The following CACNA1C variants were observed in gnomAD, a reference collection of about 807,000 sequenced individuals.
CACNA1C encodes the protein calcium voltage-gated channel subunit alpha1 C, also known as voltage-dependent L-type calcium channel subunit alpha-1C.
In CACNA1C, 30 loss-of-function variants were observed where a neutral mutation model predicts 229.0. That is an observed-to-expected ratio of 0.13 (90% CI 0.10 to 0.18). The LOEUF is 0.18. Ranked by LOEUF, CACNA1C falls within the 10% of genes least tolerant of loss-of-function variation. CACNA1C has a pLI of 1.00. For synonymous variants in CACNA1C, 1,114 were observed against 1,132.5 expected, an observed-to-expected ratio of 0.98 and a Z score of 0.33; for missense variants, 1,658 against 2,845.0, an observed-to-expected ratio of 0.58 and a Z score of 9.49.
At chr12:2,200,202 G>A (rs1353314381) in intron 3 of CACNA1C, among the ~76,000 whole-genome samples, 2 of 152,172 alleles carry the variant, frequency 1.3e-5, no homozygotes, top group Non-Finnish European at 2.9e-5. Context: ...CACTGTATCA[G>A]TATATCCATT....
chr12:2,274,199 A>G (rs1307517328), intron 3 of CACNA1C, among the ~76,000 whole-genome samples: 1 of 152,204 alleles, frequency 6.6e-6, no homozygotes, highest in Non-Finnish European at 1.5e-5. Context: ...GACGTCCAGC[A>G]GTTCCCTCAG....
At position 2,504,599 on chromosome 12, in the gene CACNA1C, C is replaced by A; in HGVS notation, c.1114-243C>A. ...CAGCCGAGCAAGGTCTCAGGTTCCA[C>A]TCCGTACATGCCCGGGGTCCTCAGG... On this transcript the variant is annotated intron_variant, in intron 7 of 46. Transcript: ENST00000399655. The surrounding 1 kb of genome is among the most constrained non-coding windows in gnomAD (Gnocchi z 6.8). The A allele has an allele frequency of 9.8e-7, 1 of 1,019,752 alleles. No homozygotes were observed. Among genetic ancestry groups the A allele is most frequent in the African/African-American group, 1.6e-5 (1 of 63,498 alleles). 63.2% of individuals were successfully genotyped at this position (1,019,752 alleles called of 1,614,324 possible). A position where few individuals can be genotyped will look rare whatever the true frequency, so the allele number is the denominator to read the frequency against.
chr12:2,465,840 T>C (rs1272505358), intron 5 of CACNA1C, among the ~76,000 whole-genome samples: 1 of 152,052 alleles, frequency 6.6e-6, no homozygotes, highest in African/African-American at 2.4e-5. Flanking sequence ...GTCACCGCTC[T>C]CTCCCACCCT....
intron 3 of CACNA1C, among the ~76,000 whole-genome samples, chr12:2,198,094 G>A (rs1334099338): frequency 6.6e-6 from 1 of 152,182 alleles, no homozygotes; most frequent in East Asian, 1.9e-4. Context: ...GCGGGCCTTG[G>A]AATGAGGACA....
intron 7 of CACNA1C, among the ~76,000 whole-genome samples, chr12:2,494,524 G>A (rs372001623): frequency 6.6e-6 from 1 of 152,166 alleles, no homozygotes; most frequent in Non-Finnish European, 1.5e-5. Context: ...TTTGGCCATC[G>A]TGAAAACAAT....
At chr12:2,624,914 C>T (rs149846883) in intron 29 of CACNA1C, among the ~76,000 whole-genome samples, 118 of 152,348 alleles carry the variant, frequency 7.7e-4, no homozygotes, top group Non-Finnish European at 1.3e-3. Flanking sequence ...GGATGAAATG[C>T]GGCAACTCTT....
intron 38 of CACNA1C, among the ~76,000 whole-genome samples, chr12:2,673,131 T>C (rs183675372): frequency 6.6e-6 from 1 of 152,324 alleles, no homozygotes. Flanking sequence ...ACATCCCGTG[T>C]TGGTTTCCTA....
chr12:2,022,182 G>A (rs1264000583), intron 1 of CACNA1C, among the ~76,000 whole-genome samples: 1 of 152,144 alleles, frequency 6.6e-6, no homozygotes, highest in Non-Finnish European at 1.5e-5. Flanking sequence ...GTGAGCGTGG[G>A]TGTGTGTGCG....
chr12:2,444,514 G>A (rs754683724), intron 3 of CACNA1C, among the ~76,000 whole-genome samples: 1 of 151,988 alleles, frequency 6.6e-6, no homozygotes, highest in Non-Finnish European at 1.5e-5. Context: ...TTTCTCTTTA[G>A]TCTGCACACT....
chr12:2,567,134 C>T (rs913738813), intron 12 of CACNA1C, among the ~76,000 whole-genome samples: 5 of 152,242 alleles, frequency 3.3e-5, no homozygotes, highest in Non-Finnish European at 7.3e-5. Flanking sequence ...CTGGCCCCAT[C>T]CTCCACAGCT....
chr12:2,622,031 C>A (rs1568865513), intron 29 of CACNA1C, among the ~76,000 whole-genome samples: 1 of 151,934 alleles, frequency 6.6e-6, no homozygotes, highest in Non-Finnish European at 1.5e-5. Flanking sequence ...CACAAGGAAA[C>A]TGGGAGAGAA....
At chr12:2,253,836 C>T (rs748898618) in intron 3 of CACNA1C, among the ~76,000 whole-genome samples, 5 of 152,212 alleles carry the variant, frequency 3.3e-5, no homozygotes, top group Non-Finnish European at 7.3e-5. Flanking sequence ...TCATTGGGAG[C>T]ACTTAATAAC....
chr12:2,067,145 C>T lies in CACNA1C; in HGVS notation c.49+13534C>T, dbSNP rs1236082540. 6.6e-6 allele frequency among the ~76,000 whole-genome samples: 1 copy of T among 152,110 alleles called. No homozygotes were observed. Among genetic ancestry groups the T allele is most frequent in the Non-Finnish European group, 1.5e-5 (1 of 68,012 alleles). ...TGACTAGGTCTGGGGGCAAAGGGTT[C>T]TAGCTCTGTAGGAGGCGTGCCAAGC... On this transcript the variant is annotated intron_variant, in intron 1 of 46. Coordinates refer to ENST00000399655, the MANE Select transcript of CACNA1C (RefSeq NM_000719.7). The surrounding 1 kb of genome is among the most constrained non-coding windows in gnomAD (Gnocchi z 5.3).
In CACNA1C at chr12:2,608,484, C is replaced by A. The variant is rs181984259; in HGVS notation, c.3357-27C>A. ...GAGGGGACCCTGCTTCTCCAGTTCC[C>A]TCTGTGGGACCTGTCTCCTCCTGCA... On this transcript the variant is annotated intron_variant, in intron 26 of 46. Coordinates refer to ENST00000399655, the MANE Select transcript of CACNA1C (RefSeq NM_000719.7). This position sits in a 1 kb window ranked among gnomAD's most constrained non-coding sequence, Gnocchi z 4.2. 1,456 of 1,571,678 alleles carry A rather than the reference C, an allele frequency of 9.3e-4. 12 individuals are homozygous for A. The African/African-American group carries it at 0.017, about 18-fold the overall frequency.
intron 3 of CACNA1C, among the ~76,000 whole-genome samples, chr12:2,202,678 AG>A (rs1156504617): frequency 6.6e-6 from 1 of 152,178 alleles, no homozygotes; most frequent in East Asian, 1.9e-4. Context: ...AGAGGAGAAG[AG>A]GAAGGGGACT....
chr12:2,364,673 C>T (rs1361377842), intron 3 of CACNA1C, among the ~76,000 whole-genome samples: 2 of 152,112 alleles, frequency 1.3e-5, no homozygotes, highest in Non-Finnish European at 2.9e-5. Context: ...GGGATGGCCA[C>T]GCTGGGCTCA....
At chr12:2,261,358 A>C (rs1395751913) in intron 3 of CACNA1C, among the ~76,000 whole-genome samples, 3 of 152,254 alleles carry the variant, frequency 2.0e-5, no homozygotes, top group Admixed American at 2.0e-4. Context: ...ACATTTGTAT[A>C]GATTAGTGTC....
intron 1 of CACNA1C, among the ~76,000 whole-genome samples, chr12:1,997,303 T>G (rs533991971): frequency 1.1e-3 from 169 of 152,126 alleles, no homozygotes; most frequent in Non-Finnish European, 2.1e-3. Context: ...CCAAGGCGGG[T>G]GGATCACGAG....
chr12:2,097,302 C>G lies in CACNA1C; in HGVS notation c.50-17922C>G, dbSNP rs189605522. On this transcript the variant is annotated intron_variant, in intron 1 of 46. Transcript: ENST00000399655. Reference sequence around the variant, plus strand: ...CTGGGACTACAGGCGCCTGCCACCACGCCCAGCTAATTTTTTTGTATTTTT... The same window carrying G: ...CTGGGACTACAGGCGCCTGCCACCAGGCCCAGCTAATTTTTTTGTATTTTT... Among the ~76,000 whole-genome samples, 501 of 152,118 alleles carry G rather than the reference C, an allele frequency of 3.3e-3. 1 individual carries two copies. The highest frequency in any genetic ancestry group is 0.012 in the African/African-American group (490 of 41,484).
Sources: allele counts gnomAD v4.1 joint callset (sites outside exome capture counted in the v4.1 genomes callset), GRCh38; gene constraint gnomAD v4.1.1; non-coding constraint Gnocchi (gnomAD v3.1); transcripts MANE v1.5; gene names NCBI Gene and HGNC (gene_info 2026-07-23, HGNC 2026-07-21).